The following NLRP14 variants were observed in gnomAD, a reference collection of about 807,000 sequenced individuals.
The protein encoded by NLRP14 is NACHT, LRR and PYD domains-containing protein 14.
A neutral mutation model predicts 94.7 loss-of-function variants in NLRP14; 105 were observed. That is an observed-to-expected ratio of 1.11 (90% CI 0.95 to 1.30). The LOEUF is 1.30. Among genes scored for constraint, NLRP14 ranks in the 50% most tolerant of loss-of-function variants. The pLI is 0.00. For synonymous variants in NLRP14, 508 were observed against 459.9 expected, an observed-to-expected ratio of 1.10 and a Z score of -1.34; for missense variants, 1,362 against 1,254.1, an observed-to-expected ratio of 1.09 and a Z score of -1.30.
At chr11:7,089,141 G>C in the NLRP14 span, 1 of 1,613,838 alleles carries the variant, frequency 6.2e-7, no homozygotes, top group Non-Finnish European at 8.5e-7. Context: ...CGGATCGCCC[G>C]GGGAAGCTGT....
intron 11 of NLRP14, 76 bp downstream of exon 11, chr11:7,070,532 C>T (rs1440455367): frequency 9.9e-7 from 1 of 1,011,630 alleles, no homozygotes; most frequent in Admixed American, 1.8e-5. Flanking sequence ...TAATACAGGC[C>T]TCAGAATCCA....
Position 7,060,049 on chromosome 11 carries a change from A to G in NLRP14, c.2789A>G (p.Asn930Ser), listed in dbSNP as rs1852592907. ...LCDVFRHPSC[N>S]LQDLELMGCV... ...GATGTCTTTCGGCATCCAAGCTGTA[A>G]TCTTCAGGACTTGGAGTAGGTTTTC... Residue 930 changes from asparagine (N) to serine (S), a missense_variant, in exon 9 of 12, where the codon AAT becomes AGT. Asn to Ser is a conservative substitution (Grantham distance 46, BLOSUM62 1). Coordinates refer to ENST00000299481, the MANE Select transcript of NLRP14 (RefSeq NM_176822.4). The G allele has an allele frequency of 6.2e-7, 1 of 1,612,562 alleles. No homozygotes were observed. Among genetic ancestry groups the G allele is most frequent in the East Asian group, 2.2e-5 (1 of 44,844 alleles).
downstream of NLRP14, among the ~76,000 whole-genome samples, chr11:7,075,466 A>G (rs1444244968): frequency 6.6e-6 from 1 of 152,208 alleles, no homozygotes; most frequent in Non-Finnish European, 1.5e-5. Flanking sequence ...GTTTAATAAA[A>G]TTCAGTCTCT....
At chr11:7,044,733 G>A (rs574668545) in intron 4 of NLRP14, among the ~76,000 whole-genome samples, 1 of 152,090 alleles carries the variant, frequency 6.6e-6, no homozygotes, top group East Asian at 1.9e-4. Context: ...ATTAATTGAG[G>A]ACTTCCTATG....
chr11:7,081,267 A>T, the NLRP14 span, among the ~76,000 whole-genome samples: 1 of 151,956 alleles, frequency 6.6e-6, no homozygotes, highest in African/African-American at 2.4e-5. Context: ...GTCAGATAGG[A>T]GAAACGGTTA....
chr11:7,021,392 C>A (rs570833975), intron 1 of NLRP14, among the ~76,000 whole-genome samples: 1 of 152,282 alleles, frequency 6.6e-6, no homozygotes, highest in Non-Finnish European at 1.5e-5. Flanking sequence ...GAGTTCACCA[C>A]ACAATAAGCT....
intron 1 of NLRP14, among the ~76,000 whole-genome samples, chr11:7,038,116 A>G (rs1852187262): frequency 6.6e-6 from 1 of 152,146 alleles, no homozygotes; most frequent in South Asian, 2.1e-4. Flanking sequence ...GTTGAGATGT[A>G]TATTAGATGT....
chr11:7,040,216 GGTCC>G (rs916884294), intron 3 of NLRP14, among the ~76,000 whole-genome samples: 1 of 152,086 alleles, frequency 6.6e-6, no homozygotes, highest in Admixed American at 6.5e-5. Context: ...TTAACACAGG[GGTCC>G]CCAACTCCTG....
intron 1 of NLRP14, among the ~76,000 whole-genome samples, chr11:7,027,209 TA>T (rs984595880): frequency 2.0e-5 from 3 of 151,570 alleles, no homozygotes; most frequent in African/African-American, 7.3e-5. Context: ...GTCATTTCTC[TA>T]AAACAAAACA....
At chr11:7,040,415 C>T (rs1348904415) in intron 3 of NLRP14, among the ~76,000 whole-genome samples, 1 of 152,116 alleles carries the variant, frequency 6.6e-6, no homozygotes, top group Non-Finnish European at 1.5e-5. Flanking sequence ...GTTGTATGCT[C>T]CTTATGAGAA....
chr11:7,032,442 A>AT lies in NLRP14; in HGVS notation c.-21-6115dup, dbSNP rs201199005. Among the ~76,000 whole-genome samples, 440 of 151,600 alleles carry AT rather than the reference A, an allele frequency of 2.9e-3. 2 individuals are homozygous for AT. The highest frequency in any genetic ancestry group is 9.9e-3 in the African/African-American group (410 of 41,330). ...CAAAACTTTCTTTTCTGTATTTAGG[A>AT]TTTTTTTTTCAGTGGATGATTTCCC... On this transcript the variant is annotated intron_variant, in intron 1 of 11. Transcript: ENST00000299481.
chr11:7,088,173 C>T, the NLRP14 span, among the ~76,000 whole-genome samples: 5 of 152,164 alleles, frequency 3.3e-5, no homozygotes, highest in Admixed American at 6.5e-5. Context: ...ATATATGGAA[C>T]ATTAATTACA....
chr11:7,027,759 T>C (rs1218425901), intron 1 of NLRP14, among the ~76,000 whole-genome samples: 2 of 152,198 alleles, frequency 1.3e-5, no homozygotes, highest in Non-Finnish European at 2.9e-5. Flanking sequence ...AAGTAACTAT[T>C]GATCTCAATG....
intron 1 of NLRP14, among the ~76,000 whole-genome samples, chr11:7,026,348 T>C (rs1251680271): frequency 6.6e-6 from 1 of 152,090 alleles, no homozygotes; most frequent in Non-Finnish European, 1.5e-5. Flanking sequence ...GGGCAAAGGA[T>C]ATGAACAGAC....
intron 5 of NLRP14, among the ~76,000 whole-genome samples, chr11:7,047,450 T>G (rs1025708500): frequency 6.6e-6 from 1 of 151,900 alleles, no homozygotes. Context: ...ATTACAGGCA[T>G]GTACCACCAT....
chr11:7,075,029 G>A (rs1473642780), downstream of NLRP14, among the ~76,000 whole-genome samples: 1 of 152,150 alleles, frequency 6.6e-6, no homozygotes, highest in Non-Finnish European at 1.5e-5. Flanking sequence ...TTGGTGTGGA[G>A]CCTTTTGAAA....
intron 1 of NLRP14, among the ~76,000 whole-genome samples, chr11:7,036,719 C>G (rs115967572): frequency 0.014 from 2,076 of 151,090 alleles, 53 homozygotes; most frequent in African/African-American, 0.048. Flanking sequence ...ATTGTGGTGG[C>G]AAAAGTTCTA....
Position 7,070,297 on chromosome 11 carries a change from G to A in NLRP14, c.2987G>A (p.Cys996Tyr). 5 of 1,610,500 alleles carry A rather than the reference G, an allele frequency of 3.1e-6. No individual in the cohort carries two copies. Among genetic ancestry groups the A allele is most frequent in the African/African-American group, 1.3e-5 (1 of 74,938 alleles). ...TCTCTTCTCTACAGGTTGGAATACTGTGGTTTGACATCTCTCTGCTGTCAA... is the reference window on the plus strand; with the variant it reads ...TCTCTTCTCTACAGGTTGGAATACTATGGTTTGACATCTCTCTGCTGTCAA... ...CNIQRLGLEY[C>Y]GLTSLCCQDL... The change falls in exon 11 of 12, where the codon TGT (cysteine) becomes TAT (tyrosine). Residue 996 changes from cysteine to tyrosine, a missense_variant. Physicochemically the swap from Cys to Tyr is radical, Grantham distance 194 (BLOSUM62 -2). Coordinates refer to ENST00000299481, the MANE Select transcript of NLRP14 (RefSeq NM_176822.4).
chr11:7,039,409 C>T (rs567196998), intron 2 of NLRP14, among the ~76,000 whole-genome samples: 4 of 151,880 alleles, frequency 2.6e-5, no homozygotes, highest in African/African-American at 7.2e-5. Flanking sequence ...CTCCTTTGCA[C>T]CTCACCGTAT....
Sources: gnomAD v4.1 joint callset for allele counts (sites outside exome capture counted in the v4.1 genomes callset) on GRCh38, gnomAD v4.1.1 for gene constraint, MANE v1.5 for transcripts, NCBI Gene and HGNC (gene_info 2026-07-23, HGNC 2026-07-21) for gene names.